The following SDC1 variants were observed in gnomAD, a reference collection of about 807,000 sequenced individuals.
SDC1 encodes syndecan-1.
In SDC1, 14 loss-of-function variants were observed where a neutral mutation model predicts 29.7. That is an observed-to-expected ratio of 0.47 (90% confidence interval 0.31 to 0.74). The LOEUF is 0.74. SDC1 is among the 30% of genes least tolerant of loss of function. SDC1 has a pLI of 0.05. For synonymous variants in SDC1, 204 were observed against 175.5 expected, an observed-to-expected ratio of 1.16 and a Z score of -1.29; for missense variants, 406 against 400.3, an observed-to-expected ratio of 1.01 and a Z score of -0.12.
intron 1 of SDC1, among the ~76,000 whole-genome samples, chr2:20,214,999 C>T (rs1440695492): frequency 6.6e-6 from 1 of 152,220 alleles, no homozygotes; most frequent in Non-Finnish European, 1.5e-5. Context: ...TGTCATCTGT[C>T]CCAAGGCACA....
intron 1 of SDC1, among the ~76,000 whole-genome samples, chr2:20,218,938 C>T (rs865873748): frequency 8.5e-5 from 13 of 152,248 alleles, no homozygotes; most frequent in African/African-American, 3.1e-4. Context: ...ATCCTCTACA[C>T]AAAATTAGGC....
chr2:20,213,791 C>A (rs1677547505), intron 1 of SDC1, among the ~76,000 whole-genome samples: 1 of 152,238 alleles, frequency 6.6e-6, no homozygotes, highest in African/African-American at 2.4e-5. Flanking sequence ...GACATCCTCC[C>A]CCTTGTACTT....
chr2:20,204,220 T>C lies in SDC1; in HGVS notation c.220A>G (p.Ile74Val), dbSNP rs1342798163. The C allele has an allele frequency of 5.0e-6, 8 of 1,598,222 alleles. No individual in the cohort carries two copies. Among genetic ancestry groups the C allele is most frequent in the Middle Eastern group, 1.6e-4 (1 of 6,076 alleles). Residue 74 changes from isoleucine (I) to valine (V), a missense_variant, in exon 3 of 5, where the codon ATT becomes GTT. Physicochemically the swap from Ile to Val is conservative, Grantham distance 29. Transcript: ENST00000254351. ...CCGGTGGGTTCTGGAGACGTGGGAA[T>C]AGCCGTCAGGAGCTGCGTGTCCTTC... ...TWKDTQLLTA[I>V]PTSPEPTGLE...
intron 1 of SDC1, among the ~76,000 whole-genome samples, chr2:20,214,225 C>T (rs904181956): frequency 2.0e-5 from 3 of 152,226 alleles, no homozygotes; most frequent in Admixed American, 2.0e-4. Flanking sequence ...CCTGGAGTCA[C>T]AGATGTACAC....
intron 1 of SDC1, among the ~76,000 whole-genome samples, chr2:20,205,939 G>A (rs1193657173): frequency 1.3e-5 from 2 of 152,202 alleles, no homozygotes; most frequent in Non-Finnish European, 2.9e-5. Flanking sequence ...AGGCATGCTG[G>A]CCCCCAGGTG....
intron 1 of SDC1, among the ~76,000 whole-genome samples, chr2:20,210,100 G>A (rs940997983): frequency 5.3e-5 from 8 of 152,230 alleles, no homozygotes; most frequent in African/African-American, 1.2e-4. Flanking sequence ...CCAGCACTTC[G>A]GGAGGCCGAG....
chr2:20,207,339 G>A, intron 1 of SDC1: 1 of 895,798 alleles, frequency 1.1e-6, no homozygotes, highest in Non-Finnish European at 1.3e-6. Flanking sequence ...GCAATTCATA[G>A]CCCATCTACA....
intron 1 of SDC1, among the ~76,000 whole-genome samples, chr2:20,220,290 C>A (rs899250460): frequency 6.6e-6 from 1 of 152,158 alleles, no homozygotes; most frequent in African/African-American, 2.4e-5. Flanking sequence ...GTTCAGCCAG[C>A]CCCCAAATGC....
Position 20,221,325 on chromosome 2 carries a change from C to T in SDC1, c.66+3477G>A, listed in dbSNP as rs139276648. On this transcript the variant is annotated intron_variant, in intron 1 of 4. Coordinates refer to ENST00000254351, the MANE Select transcript of SDC1 (RefSeq NM_002997.5). ...AACTGATCAGAAAAGCTGCTGGCTACACTCAGGCACATAAATGTCACTTCT... is the reference window on the plus strand; with the variant it reads ...AACTGATCAGAAAAGCTGCTGGCTATACTCAGGCACATAAATGTCACTTCT... Among the ~76,000 whole-genome samples the T allele has an allele frequency of 2.4e-4, 37 of 152,336 alleles. 1 individual carries two copies. The highest frequency in any genetic ancestry group is 8.9e-4 in the African/African-American group (37 of 41,582).
intron 1 of SDC1, among the ~76,000 whole-genome samples, chr2:20,209,599 G>A (rs959124364): frequency 2.6e-5 from 4 of 152,164 alleles, no homozygotes; most frequent in Admixed American, 6.5e-5. Context: ...CATCATCACC[G>A]GCTGCCAGCC....
chr2:20,203,254 C>A, intron 3 of SDC1, 32 bp from the exon 4 acceptor site: 1 of 1,576,406 alleles, frequency 6.3e-7, no homozygotes, highest in Non-Finnish European at 8.7e-7. Context: ...TTGGGTTGGC[C>A]AGGTCACCGC....
At chr2:20,217,830 C>T (rs916924559) in intron 1 of SDC1, among the ~76,000 whole-genome samples, 1 of 152,180 alleles carries the variant, frequency 6.6e-6, no homozygotes, top group African/African-American at 2.4e-5. Flanking sequence ...GCTGAGCGGA[C>T]CTCGGGCAGG....
chr2:20,216,784 C>G lies in SDC1; in HGVS notation c.66+8018G>C, dbSNP rs190738897. Among the ~76,000 whole-genome samples the G allele has an allele frequency of 3.5e-3, 527 of 152,296 alleles. 3 individuals carry two copies. Among genetic ancestry groups the G allele is most frequent in the African/African-American group, 0.012 (505 of 41,556 alleles). ...AGTTGGCCACGAGCTCCTCGGCCCT[C>G]CAGAAGTTCCTCCAACCTCCCCACA... On this transcript the variant is annotated intron_variant, in intron 1 of 4. Coordinates refer to ENST00000254351, the MANE Select transcript of SDC1 (RefSeq NM_002997.5).
chr2:20,204,174 G>T lies in SDC1; in HGVS notation c.266C>A (p.Ser89Tyr). 1 of 1,600,566 alleles carries T rather than the reference G, an allele frequency of 6.2e-7. No homozygotes were observed. The highest frequency in any genetic ancestry group is 1.3e-5 in the African/African-American group (1 of 75,028). ...CTCTCCAGCCGGCAGGGTGGAGGTG[G>T]AGGCAGCTGTAGCCTCCAGGCCGGT... is the stretch of plus-strand genomic sequence containing the variant. The part of the protein sequence containing the change: ...EPTGLEATAA[S>Y]TSTLPAGEGP... The change falls in exon 3 of 5, where the codon TCC (serine) becomes TAC (tyrosine). Residue 89 changes from serine (S) to tyrosine (Y), a missense_variant. Transcript: ENST00000254351.
In SDC1 at chr2:20,205,436, T is replaced by C; in HGVS notation, c.67-12A>G. On this transcript the variant is annotated splice_polypyrimidine_tract_variant and intron_variant, in intron 1 of 4. Coordinates refer to ENST00000254351, the MANE Select transcript of SDC1 (RefSeq NM_002997.5). Reference sequence around the variant, plus strand: ...GTAGCCACAATTTGCTGGAAAAGGATCAGAATATGGTATGAGTAAAGGCTT... The same window carrying C: ...GTAGCCACAATTTGCTGGAAAAGGACCAGAATATGGTATGAGTAAAGGCTT... The C allele has an allele frequency of 1.9e-6, 3 of 1,611,394 alleles. No individual in the cohort carries two copies. Among genetic ancestry groups the C allele is most frequent in the Admixed American group, 1.7e-5 (1 of 60,000 alleles).
In SDC1 at chr2:20,224,819, G is replaced by C. The variant is rs923495338; in HGVS notation, c.49C>G (p.Leu17Val). 3.9e-6 allele frequency: 5 copies of C among 1,295,836 alleles called. No homozygotes were observed. In the African/African-American group the frequency reaches 4.6e-5, roughly 12 times the overall value. 80.3% of individuals were successfully genotyped at this position (1,295,836 alleles called of 1,614,324 possible). ...WLWLCALALSLQPALPQIVAT... is the reference protein window; with the variant it reads ...WLWLCALALSVQPALPQIVAT... ...GCACTCACCGGCAGGGCCGGCTGCA[G>C]GCTCAGCGCCAGCGCGCACAGCCAG... The change falls in exon 1 of 5, where the codon CTG (leucine) becomes GTG (valine). Residue 17 changes from leucine (L) to valine (V), a missense_variant. By Grantham distance (32) the Leu-to-Val change is conservative. Coordinates refer to ENST00000254351, the MANE Select transcript of SDC1 (RefSeq NM_002997.5). This position sits in a 1 kb window ranked among gnomAD's most constrained non-coding sequence, Gnocchi z 4.9.
intron 1 of SDC1, among the ~76,000 whole-genome samples, chr2:20,209,234 A>C (rs1221131655): frequency 1.3e-5 from 2 of 152,150 alleles, no homozygotes; most frequent in East Asian, 3.9e-4. Flanking sequence ...TTTCTTCCCT[A>C]CAACTCCCCT....
At chr2:20,223,003 C>T (rs1379568918) in intron 1 of SDC1, among the ~76,000 whole-genome samples, 1 of 152,186 alleles carries the variant, frequency 6.6e-6, no homozygotes, top group Non-Finnish European at 1.5e-5. Flanking sequence ...GCGAAGACTC[C>T]AAGCACAGTC....
rs1172758975 is a variant in SDC1, at chr2:20,204,241, C to A, written c.199G>T (p.Asp67Tyr). The change falls in exon 3 of 5, where the codon GAC becomes TAC. Residue 67 changes from aspartate to tyrosine, a missense_variant. Asp to Tyr is a radical substitution (Grantham distance 160). Transcript: ENST00000254351. ...GGAATAGCCGTCAGGAGCTGCGTGT[C>A]CTTCCAAGTGGAGGGGGTCTGCTGT... ...LSQQTPSTWK[D>Y]TQLLTAIPTS... 1 of 1,590,584 alleles carries A rather than the reference C, an allele frequency of 6.3e-7. No individual in the cohort carries two copies.
Sources: allele counts gnomAD v4.1 joint callset (sites outside exome capture counted in the v4.1 genomes callset), GRCh38; gene constraint gnomAD v4.1.1; non-coding constraint Gnocchi (gnomAD v3.1); transcripts MANE v1.5; gene names NCBI Gene and HGNC (gene_info 2026-07-23, HGNC 2026-07-21).